The following AUTS2 variants were observed in gnomAD, a reference collection of about 807,000 sequenced individuals.
AUTS2 encodes autism susceptibility gene 2 protein.
A neutral mutation model predicts 112.4 loss-of-function variants in AUTS2; 17 were observed. That is an observed-to-expected ratio of 0.15 (90% CI 0.10 to 0.23). The LOEUF is 0.23. AUTS2 is among the 10% of genes least tolerant of loss of function. The pLI is 1.00. For missense variants in AUTS2, 1,510 were observed against 1,701.6 expected (o/e 0.89, Z 1.98); for synonymous variants, 751 against 702.7 (o/e 1.07, Z -1.09).
chr7:70,235,352 G>T (rs143344674), intron 4 of AUTS2, among the ~76,000 whole-genome samples: 2 of 151,960 alleles, frequency 1.3e-5, no homozygotes, highest in African/African-American at 4.8e-5. Flanking sequence ...TGCCCAGGCT[G>T]GTCTTGAACT....
At position 70,258,692 on chromosome 7, in the gene AUTS2, T is replaced by A. The variant is rs142222523; in HGVS notation, c.660+124121T>A. Among the ~76,000 whole-genome samples the A allele has an allele frequency of 1.5e-3, 235 of 152,280 alleles. 2 individuals are homozygous for A. The highest frequency in any genetic ancestry group is 2.1e-3 in the Non-Finnish European group (142 of 68,024). The stretch of plus-strand genomic sequence containing the variant: ...CTGCTGTGAAAATGGCATTTGTTTT[T>A]TTGGCTCTAAGAAATTTTCAGGACC... On this transcript the variant is annotated intron_variant, in intron 4 of 18. Transcript: ENST00000342771.
chr7:70,025,273 G>A (rs973308485), intron 2 of AUTS2, among the ~76,000 whole-genome samples: 1 of 152,028 alleles, frequency 6.6e-6, no homozygotes, highest in African/African-American at 2.4e-5. Context: ...TTAAAGAGCT[G>A]CTAGCTTTTA....
intron 2 of AUTS2, among the ~76,000 whole-genome samples, chr7:70,043,588 CCTTCCTTCCTT>C (rs1801352081): frequency 1.0e-5 from 1 of 99,730 alleles, no homozygotes; most frequent in Non-Finnish European, 2.1e-5. Context: ...TTCCTTCCTT[CCTTCCTTCCTT>C]CCTTCCTTTT....
chr7:70,269,155 T>C (rs1009565905), intron 4 of AUTS2, among the ~76,000 whole-genome samples: 3 of 152,176 alleles, frequency 2.0e-5, no homozygotes, highest in African/African-American at 7.2e-5. Context: ...ACAACGGTGA[T>C]TGCCAGACAC....
intron 4 of AUTS2, among the ~76,000 whole-genome samples, chr7:70,297,181 C>T (rs1052413634): frequency 7.9e-5 from 12 of 151,820 alleles, no homozygotes; most frequent in African/African-American, 2.9e-4. Flanking sequence ...CTGCCTTACA[C>T]CACCCAGAAT....
At chr7:70,029,091 G>A (rs935300032) in intron 2 of AUTS2, among the ~76,000 whole-genome samples, 1 of 152,058 alleles carries the variant, frequency 6.6e-6, no homozygotes, top group African/African-American at 2.4e-5. Flanking sequence ...TCTCAGCCCA[G>A]CTTGAAAACT....
chr7:70,638,426 G>A (rs144428062), intron 5 of AUTS2, among the ~76,000 whole-genome samples: 53 of 152,282 alleles, frequency 3.5e-4, no homozygotes, highest in East Asian at 2.1e-3. Flanking sequence ...GCCGCACACC[G>A]TGGCAGAATG....
At chr7:70,787,515 T>G in intron 18 of AUTS2, 84 bp downstream of exon 18, 1 of 1,009,330 alleles carries the variant, frequency 9.9e-7, no homozygotes, top group Non-Finnish European at 1.4e-6. Context: ...CCACCCTCCC[T>G]GTCCCAGCCT....
chr7:70,490,419 G>A (rs1005606538), intron 5 of AUTS2, among the ~76,000 whole-genome samples: 1 of 151,950 alleles, frequency 6.6e-6, no homozygotes, highest in East Asian at 1.9e-4. Context: ...CGAGTTGCTA[G>A]TTCTGTGTGG....
intron 4 of AUTS2, among the ~76,000 whole-genome samples, chr7:70,248,924 C>G (rs1395196442): frequency 1.3e-5 from 2 of 152,112 alleles, no homozygotes; most frequent in Non-Finnish European, 1.5e-5. Context: ...TTCCCATGTT[C>G]TACTCTTCAT....
intron 4 of AUTS2, among the ~76,000 whole-genome samples, chr7:70,409,588 T>C (rs1794689782): frequency 6.6e-6 from 1 of 152,128 alleles, no homozygotes; most frequent in Non-Finnish European, 1.5e-5. Flanking sequence ...AATCACTGCT[T>C]ACATGAGGAG....
chr7:70,008,947 A>T (rs894531755), intron 2 of AUTS2, among the ~76,000 whole-genome samples: 3 of 152,166 alleles, frequency 2.0e-5, no homozygotes, highest in Admixed American at 6.6e-5. Context: ...TTCTTTTGAG[A>T]TAGCTGGGGG....
chr7:70,525,997 G>A (rs1172560278), intron 5 of AUTS2, among the ~76,000 whole-genome samples: 1 of 152,102 alleles, frequency 6.6e-6, no homozygotes, highest in Non-Finnish European at 1.5e-5. Flanking sequence ...AGTTTCTAAT[G>A]CATCACCTCT....
intron 5 of AUTS2, among the ~76,000 whole-genome samples, chr7:70,497,014 G>GAC (rs1286115559): frequency 3.0e-5 from 1 of 33,732 alleles, no homozygotes. Flanking sequence ...TACACAGTCA[G>GAC]ACACACACAC....
At chr7:70,215,947 C>T (rs1811143434) in intron 4 of AUTS2, among the ~76,000 whole-genome samples, 1 of 152,192 alleles carries the variant, frequency 6.6e-6, no homozygotes, top group South Asian at 2.1e-4. Flanking sequence ...TGATTGTCAT[C>T]TGCCGAGAGC....
chr7:70,099,199 G>C lies in AUTS2; in HGVS notation c.523-18933G>C, dbSNP rs1804358409. Among the ~76,000 whole-genome samples, 4 of 151,988 alleles carry C rather than the reference G, an allele frequency of 2.6e-5. No homozygotes were observed. The South Asian group carries it at 8.3e-4, about 32-fold the overall frequency. ...TCTCTCTTTTCCTTTCCCATATCTA[G>C]CCACAAAACTAGGAGAAGGAAGAAA... On this transcript the variant is annotated intron_variant, in intron 2 of 18. Coordinates refer to ENST00000342771, the MANE Select transcript of AUTS2 (RefSeq NM_015570.4).
intron 1 of AUTS2, among the ~76,000 whole-genome samples, chr7:69,814,633 C>G (rs1035727304): frequency 1.3e-5 from 2 of 152,242 alleles, no homozygotes; most frequent in African/African-American, 2.4e-5. Context: ...GCTGTGTTCC[C>G]TTTGTCACCT....
At chr7:69,906,965 G>A (rs1036424826) in intron 2 of AUTS2, among the ~76,000 whole-genome samples, 1 of 151,986 alleles carries the variant, frequency 6.6e-6, no homozygotes, top group Non-Finnish European at 1.5e-5. Flanking sequence ...AAATTAGCTG[G>A]GCATGGTGAC....
intron 5 of AUTS2, among the ~76,000 whole-genome samples, chr7:70,658,334 C>T (rs560651242): frequency 1.5e-3 from 235 of 152,308 alleles, no homozygotes; most frequent in Non-Finnish European, 2.5e-3. Context: ...ACCACTCCCC[C>T]CCAACACCAC....
Sources: allele counts gnomAD v4.1 joint callset (sites outside exome capture counted in the v4.1 genomes callset), GRCh38; gene constraint gnomAD v4.1.1; transcripts MANE v1.5; gene names NCBI Gene and HGNC (gene_info 2026-07-23, HGNC 2026-07-21).